The following SLC2A13 variants were observed in gnomAD, a reference collection of about 807,000 sequenced individuals.
The protein encoded by SLC2A13 is solute carrier family 2 member 13, also known as proton myo-inositol cotransporter.
In SLC2A13, 32 loss-of-function variants were observed where a neutral mutation model predicts 64.4. That is an observed-to-expected ratio of 0.50 (90% CI 0.37 to 0.67). SLC2A13 has a LOEUF of 0.67. Among genes scored for constraint, SLC2A13 ranks in the 30% least tolerant of loss-of-function variants. The pLI is 0.00. For missense variants in SLC2A13, 743 were observed against 829.2 expected (o/e 0.90, Z 1.28); for synonymous variants, 338 against 327.1 (o/e 1.03, Z -0.36).
intron 4 of SLC2A13, among the ~76,000 whole-genome samples, chr12:39,943,847 C>T (rs886727424): frequency 2.0e-5 from 3 of 152,234 alleles, no homozygotes; most frequent in Non-Finnish European, 2.9e-5. Flanking sequence ...TGGGAGCCTA[C>T]ACCATCAGCA....
At chr12:39,913,960 G>A (rs145394437) in intron 4 of SLC2A13, among the ~76,000 whole-genome samples, 13 of 151,910 alleles carry the variant, frequency 8.6e-5, no homozygotes, top group African/African-American at 2.2e-4. Flanking sequence ...CACAAAGGAC[G>A]TCTCAAAAAA....
chr12:39,893,404 A>G (rs1330475590), intron 4 of SLC2A13, among the ~76,000 whole-genome samples: 2 of 152,180 alleles, frequency 1.3e-5, no homozygotes, highest in Non-Finnish European at 2.9e-5. Context: ...GGTTCAAGCA[A>G]TTCTCCTGCC....
chr12:40,040,225 C>T (rs1437691121), intron 2 of SLC2A13, among the ~76,000 whole-genome samples: 1 of 152,182 alleles, frequency 6.6e-6, no homozygotes, highest in Non-Finnish European at 1.5e-5. Flanking sequence ...CATTTGATCC[C>T]GTAAATAACA....
At chr12:39,902,562 TAAA>T (rs1410230675) in intron 4 of SLC2A13, among the ~76,000 whole-genome samples, 1 of 151,976 alleles carries the variant, frequency 6.6e-6, no homozygotes, top group Admixed American at 6.6e-5. Flanking sequence ...GTACTAAAAA[TAAA>T]ATCACAAATG....
chr12:39,859,869 G>T (rs1168227500), intron 6 of SLC2A13, among the ~76,000 whole-genome samples: 1 of 152,004 alleles, frequency 6.6e-6, no homozygotes, highest in African/African-American at 2.4e-5. Context: ...TGAACTAGAG[G>T]CATAGTCCCT....
chr12:39,847,589 A>G (rs558175229), intron 6 of SLC2A13, among the ~76,000 whole-genome samples: 1 of 152,164 alleles, frequency 6.6e-6, no homozygotes, highest in East Asian at 1.9e-4. Context: ...TGGTGAACTT[A>G]TGAAAGACAT....
intron 7 of SLC2A13, among the ~76,000 whole-genome samples, chr12:39,774,985 T>G (rs1318412502): frequency 1.3e-5 from 2 of 152,184 alleles, no homozygotes; most frequent in Non-Finnish European, 2.9e-5. Flanking sequence ...AATTTCCTTT[T>G]GGAAAGAAAT....
Position 39,925,430 on chromosome 12 carries a change from T to A in SLC2A13, c.1034+25827A>T, listed in dbSNP as rs1459598242. 2.0e-5 allele frequency among the ~76,000 whole-genome samples: 3 copies of A among 152,172 alleles called. No homozygotes were observed. In the East Asian group the frequency reaches 5.8e-4, roughly 29 times the overall value. ...TAAATCTTTCAATTTCTGCCATTTA[T>A]CTTTCACCACTAAAATCATTATTTA... On this transcript the variant is annotated intron_variant, in intron 4 of 9. Transcript: ENST00000280871.
chr12:40,044,373 A>C (rs1948140858), intron 2 of SLC2A13, among the ~76,000 whole-genome samples: 1 of 152,094 alleles, frequency 6.6e-6, no homozygotes, highest in Non-Finnish European at 1.5e-5. Flanking sequence ...GGGTGACGAA[A>C]ATGTTCTAAA....
intron 3 of SLC2A13, among the ~76,000 whole-genome samples, chr12:40,002,249 T>C (rs536200042): frequency 6.6e-6 from 1 of 152,330 alleles, no homozygotes; most frequent in South Asian, 2.1e-4. Context: ...AATTATCCTA[T>C]AGTGGGTACT....
At chr12:39,785,662 C>T (rs1464822022) in intron 7 of SLC2A13, among the ~76,000 whole-genome samples, 1 of 152,152 alleles carries the variant, frequency 6.6e-6, no homozygotes, top group East Asian at 1.9e-4. Context: ...GGAAAAGCCA[C>T]AGACACTCAA....
chr12:39,845,970 C>T (rs1943300176), intron 6 of SLC2A13, among the ~76,000 whole-genome samples: 1 of 152,094 alleles, frequency 6.6e-6, no homozygotes, highest in East Asian at 1.9e-4. Flanking sequence ...TATGATTGTA[C>T]AGATATACTC....
intron 1 of SLC2A13, among the ~76,000 whole-genome samples, chr12:40,081,643 A>G (rs1938406023): frequency 6.6e-6 from 1 of 152,140 alleles, no homozygotes; most frequent in African/African-American, 2.4e-5. Context: ...AATCTGGACG[A>G]CCTTATTTGC....
chr12:39,922,790 T>TA (rs1945637359), intron 4 of SLC2A13, among the ~76,000 whole-genome samples: 1 of 152,062 alleles, frequency 6.6e-6, no homozygotes, highest in South Asian at 2.1e-4. Context: ...AAGCTAGTCT[T>TA]ACAAAACTAG....
At chr12:39,984,372 A>G (rs546099607) in intron 3 of SLC2A13, among the ~76,000 whole-genome samples, 19 of 152,312 alleles carry the variant, frequency 1.2e-4, no homozygotes, top group African/African-American at 4.1e-4. Context: ...GAGCAACGGT[A>G]AGTGCAATCT....
intron 3 of SLC2A13, among the ~76,000 whole-genome samples, chr12:39,985,106 G>A (rs1047319296): frequency 1.3e-5 from 2 of 152,128 alleles, no homozygotes; most frequent in Non-Finnish European, 2.9e-5. Flanking sequence ...GTAATACATG[G>A]TTAATGTTCA....
At chr12:39,844,417 T>C (rs147389529) in intron 6 of SLC2A13, among the ~76,000 whole-genome samples, 139 of 152,182 alleles carry the variant, frequency 9.1e-4, no homozygotes, top group African/African-American at 3.1e-3. Flanking sequence ...GTTCTTATAC[T>C]AAGAGGCTCA....
At chr12:39,781,902 G>A (rs1940999334) in intron 7 of SLC2A13, among the ~76,000 whole-genome samples, 1 of 152,204 alleles carries the variant, frequency 6.6e-6, no homozygotes, top group African/African-American at 2.4e-5. Flanking sequence ...GTGTCTAGGA[G>A]ATCAGCTCTA....
chr12:39,772,193 G>A (rs1317896421), intron 7 of SLC2A13, among the ~76,000 whole-genome samples: 5 of 152,140 alleles, frequency 3.3e-5, no homozygotes, highest in Admixed American at 2.6e-4. Flanking sequence ...AGGGTCAAGA[G>A]CACAGGGTCT....
Sources: allele counts gnomAD v4.1 joint callset (sites outside exome capture counted in the v4.1 genomes callset), GRCh38; gene constraint gnomAD v4.1.1; transcripts MANE v1.5; gene names NCBI Gene and HGNC (gene_info 2026-07-23, HGNC 2026-07-21).